Variants in HSF1 observed in about 807,000 individuals in gnomAD.
The protein encoded by HSF1 is heat shock factor protein 1.
A neutral mutation model predicts 51.7 loss-of-function variants in HSF1; 32 were observed. The ratio of observed to expected loss-of-function variants is 0.62; its 90% CI spans 0.47 to 0.83. The LOEUF (loss-of-function observed/expected upper bound fraction) is 0.83, where lower values mean the gene tolerates loss of function less well. HSF1 is among the 40% of genes least tolerant of loss of function. The probability of loss-of-function intolerance (pLI) is 0.00; values close to 1 mark genes in which losing one functional copy is unlikely to be tolerated. For missense variants in HSF1, 727 were observed against 717.0 expected (o/e 1.01, Z -0.16); for synonymous variants, 396 against 309.7 (o/e 1.28, Z -2.92).
intron 9 of HSF1, 137 bp downstream of exon 9, chr8:144,312,381 G>C (rs1262439639): frequency 9.5e-6 from 7 of 736,516 alleles, no homozygotes; most frequent in African/African-American, 1.8e-5. Flanking sequence ...GCTCGGGGCT[G>C]GGGAGGGAGA....
chr8:144,298,522 T>C (rs1366030946), intron 1 of HSF1, among the ~76,000 whole-genome samples: 1 of 151,368 alleles, frequency 6.6e-6, no homozygotes, highest in African/African-American at 2.4e-5. Context: ...GGAGAATCAC[T>C]TGAACCTGGG....
At chr8:144,309,736 C>G (rs1393449029) in intron 3 of HSF1, 36 bp from the exon 4 acceptor site, 6 of 1,605,870 alleles carry the variant, frequency 3.7e-6, no homozygotes, top group South Asian at 1.1e-5. Flanking sequence ...AGCTCCTAGG[C>G]TGCTCCAGTG....
At chr8:144,312,582 C>G in intron 9 of HSF1, 1 of 1,467,202 alleles carries the variant, frequency 6.8e-7, no homozygotes, top group Non-Finnish European at 9.2e-7. Flanking sequence ...CCTCCACACC[C>G]CCAGCCCCTG....
intron 1 of HSF1, among the ~76,000 whole-genome samples, chr8:144,294,533 C>G (rs1259418872): frequency 1.3e-5 from 2 of 152,248 alleles, no homozygotes; most frequent in African/African-American, 4.8e-5. Flanking sequence ...GACTAACTCT[C>G]AAGGCTGAAT....
chr8:144,306,113 CTT>C (rs1816213668), intron 1 of HSF1, among the ~76,000 whole-genome samples: 1 of 152,150 alleles, frequency 6.6e-6, no homozygotes, highest in South Asian at 2.1e-4. Context: ...ATTTTTATCT[CTT>C]TATTGATACT....
At chr8:144,309,939 G>A (rs555702316) in intron 4 of HSF1, 43 bp downstream of exon 4, 39 of 1,593,336 alleles carry the variant, frequency 2.4e-5, no homozygotes, top group African/African-American at 1.8e-4. Flanking sequence ...GGGTCCTGGC[G>A]CCCACCAAGA....
chr8:144,312,276 A>G (rs1554845085), intron 9 of HSF1, 32 bp downstream of exon 9: 2 of 1,334,776 alleles, frequency 1.5e-6, no homozygotes, highest in East Asian at 3.2e-5. Flanking sequence ...CCCCACCCAC[A>G]GCGCCTGGAC....
intron 1 of HSF1, among the ~76,000 whole-genome samples, chr8:144,298,565 G>A (rs1453125168): frequency 4.0e-5 from 6 of 150,504 alleles, no homozygotes; most frequent in African/African-American, 9.8e-5. Context: ...AGATTGCGCC[G>A]CTGCGCTCCA....
chr8:144,302,059 G>A (rs35337667), intron 1 of HSF1, among the ~76,000 whole-genome samples: 76,579 of 148,524 alleles, frequency 0.52, 19,761 homozygotes, highest in Admixed American at 0.64. Flanking sequence ...CCCGCTACTC[G>A]GGAGGCTGAG....
intron 1 of HSF1, among the ~76,000 whole-genome samples, chr8:144,296,476 A>G (rs1815468533): frequency 6.6e-6 from 1 of 152,184 alleles, no homozygotes; most frequent in Non-Finnish European, 1.5e-5. Flanking sequence ...TGCCCGGACC[A>G]TAGTGCCTCC....
intron 8 of HSF1, 41 bp from the exon 9 acceptor site, chr8:144,311,922 C>T: frequency 6.3e-7 from 1 of 1,578,212 alleles, no homozygotes; most frequent in Non-Finnish European, 8.6e-7. Context: ...TGAGGTGGGG[C>T]TGGCCGAGAC....
rs1301695222 is a variant in HSF1 at position 144,291,926 on chromosome 8, C to T, written c.117+52C>T. The T allele has an allele frequency of 1.9e-5, 19 of 1,023,816 alleles. No homozygotes were observed. The highest frequency in any genetic ancestry group is 2.5e-5 in the Non-Finnish European group (19 of 758,402). The allele number at this position is 1,023,816 out of a possible 1,614,324, so 63.4% of individuals were successfully genotyped here. On this transcript the variant is annotated intron_variant, in intron 1 of 12. Transcript: ENST00000528838. This position sits in a 1 kb window ranked among gnomAD's most constrained non-coding sequence, Gnocchi z 4.1. ...CCGTGGGGACCGGGAGGGAGCAGGGCCGCGGCGGACGGCGCGGGAGGGCTG... is the reference window on the plus strand; with the variant it reads ...CCGTGGGGACCGGGAGGGAGCAGGGTCGCGGCGGACGGCGCGGGAGGGCTG...
intron 1 of HSF1, among the ~76,000 whole-genome samples, chr8:144,307,954 CG>C (rs1816331853): frequency 6.6e-6 from 1 of 152,230 alleles, no homozygotes; most frequent in Non-Finnish European, 1.5e-5. Flanking sequence ...GGGTCCTTTC[CG>C]TGACCGTTTC....
In HSF1 at chr8:144,292,808, A is replaced by T. The variant is rs535122130; in HGVS notation, c.117+934A>T. 2.2e-3 allele frequency among the ~76,000 whole-genome samples: 337 copies of T among 152,290 alleles called. 1 individual carries two copies. The highest frequency in any genetic ancestry group is 7.8e-3 in the African/African-American group (325 of 41,562). On this transcript the variant is annotated intron_variant, in intron 1 of 12. Transcript: ENST00000528838. Reference sequence around the variant, plus strand: ...AAACCCCAGCTCTACTAAAAATACAAAAAATTTGCCGGGCGTGGTGGTGCT... The same window carrying T: ...AAACCCCAGCTCTACTAAAAATACATAAAATTTGCCGGGCGTGGTGGTGCT...
In HSF1 at chr8:144,312,183, C is replaced by A. The variant is rs1554844967; in HGVS notation, c.1081C>A (p.Pro361Thr). The A allele has an allele frequency of 3.8e-6, 6 of 1,595,212 alleles. No individual in the cohort carries two copies. Among genetic ancestry groups the A allele is most frequent in the Non-Finnish European group, 5.1e-6 (6 of 1,167,436 alleles). ...ARGHTDTEGR[P>T]PSPPPTSTPE... is the part of the protein sequence containing the mutation. ...GGGCCACACGGACACCGAGGGCCGG[C>A]CTCCCTCCCCCCCGCCCACCTCCAC... Residue 361 changes from proline (P) to threonine (T), a missense_variant, in exon 9 of 13, where the codon CCT becomes ACT. This residue lies in a region of HSF1 where 470 missense variants were observed against 398.8 expected (regional missense o/e 1.18). Transcript: ENST00000528838.
intron 1 of HSF1, among the ~76,000 whole-genome samples, chr8:144,295,266 C>G (rs1815378831): frequency 6.6e-6 from 1 of 152,240 alleles, no homozygotes; most frequent in African/African-American, 2.4e-5. Context: ...AAAGTGAAGC[C>G]TCAGAACTGG....
intron 9 of HSF1, chr8:144,313,146 C>G: frequency 2.6e-6 from 1 of 387,286 alleles, no homozygotes; most frequent in South Asian, 2.9e-5. Context: ...GCCACCCACA[C>G]ACTGAGCAGA....
At chr8:144,295,790 G>A (rs1815415712) in intron 1 of HSF1, among the ~76,000 whole-genome samples, 1 of 151,394 alleles carries the variant, frequency 6.6e-6, no homozygotes, top group South Asian at 2.1e-4. Flanking sequence ...TGGAACTCAC[G>A]GGCTCAAGCC....
intron 1 of HSF1, among the ~76,000 whole-genome samples, chr8:144,303,371 T>G (rs1554842735): frequency 6.6e-6 from 1 of 151,938 alleles, no homozygotes; most frequent in Non-Finnish European, 1.5e-5. Context: ...CCAAGAGCAG[T>G]CTTGGGCTGA....
Sources: gnomAD v4.1 joint callset for allele counts (sites outside exome capture counted in the v4.1 genomes callset) on GRCh38, gnomAD v4.1.1 for gene constraint, gnomAD v4.1.1 regional missense constraint, Gnocchi (gnomAD v3.1) non-coding constraint, MANE v1.5 for transcripts, NCBI Gene and HGNC (gene_info 2026-07-23, HGNC 2026-07-21) for gene names.